B3GALT1: variants seen among roughly 807,000 people sequenced by gnomAD.
B3GALT1 encodes the protein UDP-Gal:betaGlcNAc beta 1,3-galactosyltransferase, polypeptide 1.
A neutral mutation model predicts 23.2 loss-of-function variants in B3GALT1; 10 were observed. The ratio of observed to expected loss-of-function variants is 0.43; its 90% confidence interval spans 0.27 to 0.73. The LOEUF (loss-of-function observed/expected upper bound fraction) is 0.73. B3GALT1 is among the 30% of genes least tolerant of loss of function. B3GALT1 has a pLI of 0.21. For missense variants in B3GALT1, 299 were observed against 405.4 expected (o/e 0.74, Z 2.25); for synonymous variants, 156 against 141.5 (o/e 1.10, Z -0.73).
chr2:167,390,437 AT>A (rs1186854922), intron 1 of B3GALT1, among the ~76,000 whole-genome samples: 1 of 152,216 alleles, frequency 6.6e-6, no homozygotes, highest in Non-Finnish European at 1.5e-5. Context: ...AGAAGAAGCT[AT>A]TTTTAAAGAT....
At chr2:167,548,685 A>AGTGTGTGTGTGTGTGTGTGAGAGT (rs1553466233) in intron 2 of B3GALT1, among the ~76,000 whole-genome samples, 68 of 144,810 alleles carry the variant, frequency 4.7e-4, no homozygotes, top group African/African-American at 1.6e-3. Flanking sequence ...CGTGTGTGTG[A>AGTGTGTGTGTGTGTGTGTGAGAGT]GTGTGTGTGT....
At chr2:167,739,861 CAGA>C (rs1338862023) in intron 3 of B3GALT1, among the ~76,000 whole-genome samples, 1 of 147,216 alleles carries the variant, frequency 6.8e-6, no homozygotes, top group Non-Finnish European at 1.5e-5. Flanking sequence ...GAGGCCAATG[CAGA>C]AGGATTGCTT....
chr2:167,781,181 CTAAA>C (rs1328745189), intron 3 of B3GALT1, among the ~76,000 whole-genome samples: 1 of 152,150 alleles, frequency 6.6e-6, no homozygotes, highest in Admixed American at 6.6e-5. Context: ...ATGAATGACT[CTAAA>C]TAAGCCCTAC....
chr2:167,787,123 G>A (rs1688354848), intron 3 of B3GALT1, among the ~76,000 whole-genome samples: 1 of 152,136 alleles, frequency 6.6e-6, no homozygotes, highest in Non-Finnish European at 1.5e-5. Context: ...ATTCAGCTGT[G>A]GACAGGCAAG....
At chr2:167,666,618 A>G (rs957576044) in intron 3 of B3GALT1, among the ~76,000 whole-genome samples, 3 of 151,900 alleles carry the variant, frequency 2.0e-5, no homozygotes, top group African/African-American at 7.3e-5. Flanking sequence ...GACTTGCTTT[A>G]TGAATCTGGG....
chr2:167,667,541 A>C (rs1686225973), intron 3 of B3GALT1, among the ~76,000 whole-genome samples: 1 of 152,130 alleles, frequency 6.6e-6, no homozygotes. Flanking sequence ...TATCCTGCAG[A>C]GTGTTTTCCA....
At chr2:167,553,531 C>T (rs1031664078) in intron 2 of B3GALT1, among the ~76,000 whole-genome samples, 5 of 152,142 alleles carry the variant, frequency 3.3e-5, no homozygotes, top group Non-Finnish European at 5.9e-5. Flanking sequence ...CATGCAGAAT[C>T]CCATGGCTGC....
chr2:167,310,972 T>C (rs1286116154), intron 1 of B3GALT1, among the ~76,000 whole-genome samples: 1 of 152,130 alleles, frequency 6.6e-6, no homozygotes. Flanking sequence ...GGAGCAGTTT[T>C]GTCCATTTAT....
At position 167,704,183 on chromosome 2, in the gene B3GALT1, C is replaced by CAAAA. The variant is rs5836157; in HGVS notation, c.-352+57233_-352+57236dup. ...GCAAAGGAGCGAAACTCAGTCTCAA[C>CAAAA]AAAAAAAAAAAAAAAAAAAGGTAAC... On this transcript the variant is annotated intron_variant, in intron 3 of 4. Transcript: ENST00000392690. 1.9e-4 allele frequency among the ~76,000 whole-genome samples: 21 copies of CAAAA among 112,886 alleles called. 1 individual carries two copies. Among genetic ancestry groups the CAAAA allele is most frequent in the East Asian group, 2.7e-4 (1 of 3,696 alleles). 74.1% of individuals were successfully genotyped at this position (112,886 alleles called of 152,430 possible). A position where few individuals can be genotyped will look rare whatever the true frequency, so the allele number is the denominator to read the frequency against.
In B3GALT1 at chr2:167,870,270, G is replaced by A. The variant is rs1039841652; in HGVS notation, c.*250G>A. The A allele has an allele frequency of 2.7e-6, 1 of 367,402 alleles. No homozygotes were observed. 22.8% of individuals were successfully genotyped at this position (367,402 alleles called of 1,614,324 possible). A position where few individuals can be genotyped will look rare whatever the true frequency, so the allele number is the denominator to read the frequency against. ...AGCATTGCTATTTATCTCAAAAAGTGACTTCCAAACAACTCTTAGGATTGA... is the reference window on the plus strand; with the variant it reads ...AGCATTGCTATTTATCTCAAAAAGTAACTTCCAAACAACTCTTAGGATTGA... On this transcript the variant is annotated 3_prime_UTR_variant, in exon 5 of 5. Coordinates refer to ENST00000392690, the MANE Select transcript of B3GALT1 (RefSeq NM_020981.4).
chr2:167,445,874 A>C (rs1302661709), intron 1 of B3GALT1, among the ~76,000 whole-genome samples: 1 of 152,156 alleles, frequency 6.6e-6, no homozygotes, highest in Non-Finnish European at 1.5e-5. Flanking sequence ...CTTAAGGTTC[A>C]TATTGTTATG....
intron 1 of B3GALT1, among the ~76,000 whole-genome samples, chr2:167,378,010 G>T (rs561931589): frequency 4.9e-4 from 74 of 152,292 alleles, no homozygotes; most frequent in Non-Finnish European, 7.9e-4. Context: ...TGTAAGGCCA[G>T]TATGTTGGTA....
intron 1 of B3GALT1, among the ~76,000 whole-genome samples, chr2:167,419,318 A>G (rs191842359): frequency 6.6e-6 from 1 of 152,348 alleles, no homozygotes; most frequent in Non-Finnish European, 1.5e-5. Context: ...ATTAGAGTTT[A>G]ATCACTGCCC....
At chr2:167,426,276 C>CTT (rs199670599) in intron 1 of B3GALT1, among the ~76,000 whole-genome samples, 1,779 of 137,606 alleles carry the variant, frequency 0.013, 37 homozygotes, top group African/African-American at 0.045. Context: ...GTTTATCATT[C>CTT]TTTTTTTTTT....
intron 2 of B3GALT1, among the ~76,000 whole-genome samples, chr2:167,504,591 A>T (rs1541889): frequency 6.6e-6 from 1 of 152,008 alleles, no homozygotes; most frequent in Non-Finnish European, 1.5e-5. Flanking sequence ...ATCTTCATTG[A>T]TAGCTGACTG....
chr2:167,443,975 G>T (rs989767384), intron 1 of B3GALT1, among the ~76,000 whole-genome samples: 4 of 152,176 alleles, frequency 2.6e-5, no homozygotes, highest in South Asian at 2.1e-4. Flanking sequence ...TCCAGTTTTT[G>T]CCCATTCAGT....
intron 3 of B3GALT1, among the ~76,000 whole-genome samples, chr2:167,804,104 C>T (rs1371158328): frequency 6.6e-6 from 1 of 152,130 alleles, no homozygotes; most frequent in African/African-American, 2.4e-5. Flanking sequence ...ATTCTCCTGC[C>T]TCAGACTCCC....
At chr2:167,443,774 C>A (rs191869897) in intron 1 of B3GALT1, among the ~76,000 whole-genome samples, 2 of 152,254 alleles carry the variant, frequency 1.3e-5, no homozygotes, top group East Asian at 1.9e-4. Flanking sequence ...TGGGCTGAGA[C>A]GATGGGGTTT....
At chr2:167,389,239 T>C (rs531872392) in intron 1 of B3GALT1, among the ~76,000 whole-genome samples, 30 of 152,352 alleles carry the variant, frequency 2.0e-4, no homozygotes, top group Non-Finnish European at 3.2e-4. Flanking sequence ...AAAGATTTTG[T>C]CTATGTTCAG....
Sources: allele counts gnomAD v4.1 joint callset (sites outside exome capture counted in the v4.1 genomes callset), GRCh38; gene constraint gnomAD v4.1.1; transcripts MANE v1.5; gene names NCBI Gene and HGNC (gene_info 2026-07-23, HGNC 2026-07-21).